Variants in ERCC6L2 observed in about 807,000 individuals in gnomAD.
The protein encoded by ERCC6L2 is ERCC excision repair 6 like 2.
ERCC6L2 carries 77 observed loss-of-function variants against 132.0 expected under a neutral mutation model. The ratio of observed to expected loss-of-function variants is 0.58; its 90% CI spans 0.49 to 0.71. The LOEUF (loss-of-function observed/expected upper bound fraction) is 0.71, where lower values mean the gene tolerates loss of function less well. ERCC6L2 is among the 30% of genes least tolerant of loss of function. The probability of loss-of-function intolerance (pLI) is 0.00; values close to 1 mark genes in which losing one functional copy is unlikely to be tolerated. For synonymous variants in ERCC6L2, 583 were observed against 632.4 expected (o/e 0.92, Z 1.17); for missense variants, 1,542 against 1,837.6 (o/e 0.84, Z 2.94).
chr9:95,977,665 AT>A (rs1347073799), intron 16 of ERCC6L2, among the ~76,000 whole-genome samples: 1 of 152,136 alleles, frequency 6.6e-6, no homozygotes, highest in Non-Finnish European at 1.5e-5. Flanking sequence ...CTCTCATTCC[AT>A]CACTGTAATC....
At chr9:96,036,503 G>A (rs576651225) in intron 19 of ERCC6L2, among the ~76,000 whole-genome samples, 23 of 152,202 alleles carry the variant, frequency 1.5e-4, no homozygotes, top group African/African-American at 2.2e-4. Flanking sequence ...CTCTTCAAGC[G>A]CCTGCTTGCC....
chr9:95,946,007 T>TA (rs138072966), intron 12 of ERCC6L2, among the ~76,000 whole-genome samples: 5 of 151,782 alleles, frequency 3.3e-5, no homozygotes, highest in Non-Finnish European at 2.9e-5. Context: ...GAAAATAAGA[T>TA]AAAAAAATCA....
intron 2 of ERCC6L2, among the ~76,000 whole-genome samples, chr9:95,894,223 G>A (rs1828322982): frequency 6.6e-6 from 1 of 152,002 alleles, no homozygotes; most frequent in Non-Finnish European, 1.5e-5. Flanking sequence ...TGATTGTATG[G>A]GTACTTGATT....
intron 2 of ERCC6L2, among the ~76,000 whole-genome samples, chr9:95,892,832 A>AT (rs915965007): frequency 5.5e-4 from 84 of 152,030 alleles, no homozygotes; most frequent in Non-Finnish European, 2.6e-4. Context: ...TGAATTGACC[A>AT]TTTTTTTACT....
chr9:96,007,489 G>A (rs1833899086), intron 18 of ERCC6L2, among the ~76,000 whole-genome samples: 1 of 152,190 alleles, frequency 6.6e-6, no homozygotes, highest in Admixed American at 6.5e-5. Context: ...TGAAGATTGA[G>A]GAGAGAACAG....
At chr9:95,913,400 G>A (rs911755817) in intron 4 of ERCC6L2, among the ~76,000 whole-genome samples, 1 of 152,032 alleles carries the variant, frequency 6.6e-6, no homozygotes, top group Non-Finnish European at 1.5e-5. Context: ...TAGCATAATG[G>A]TCATCTACAA....
intron 19 of ERCC6L2, among the ~76,000 whole-genome samples, chr9:96,026,396 T>C (rs1834363678): frequency 6.6e-6 from 1 of 152,048 alleles, no homozygotes; most frequent in Non-Finnish European, 1.5e-5. Flanking sequence ...AGGAGGTGGA[T>C]TCGGAACTCA....
At chr9:96,039,497 C>T (rs1211287895) in intron 20 of ERCC6L2, among the ~76,000 whole-genome samples, 1 of 151,928 alleles carries the variant, frequency 6.6e-6, no homozygotes, top group Non-Finnish European at 1.5e-5. Flanking sequence ...GGGGGAGGGT[C>T]AGTAGAGTCG....
intron 3 of ERCC6L2, among the ~76,000 whole-genome samples, chr9:95,900,890 C>A (rs568203797): frequency 6.6e-5 from 10 of 152,114 alleles, no homozygotes; most frequent in African/African-American, 2.4e-4. Flanking sequence ...TGTGTTCATA[C>A]CAACTTTTTC....
At chr9:95,957,299 A>G (rs1831653135) in intron 13 of ERCC6L2, among the ~76,000 whole-genome samples, 1 of 152,186 alleles carries the variant, frequency 6.6e-6, no homozygotes. Context: ...TAGTTAACCT[A>G]AGAATGATCC....
At chr9:95,918,600 CGGG>C in intron 6 of ERCC6L2, 1 of 345,492 alleles carries the variant, frequency 2.9e-6, no homozygotes, top group East Asian at 7.6e-5. Context: ...TTTTACAAGT[CGGG>C]GGGCCTAGGA....
chr9:96,029,303 CAAA>C (rs201014094), intron 19 of ERCC6L2, among the ~76,000 whole-genome samples: 88 of 81,798 alleles, frequency 1.1e-3, no homozygotes, highest in African/African-American at 3.1e-3. Context: ...GACTCCGTCT[CAAA>C]AAAAAAAAAA....
chr9:95,882,475 A>G (rs1166971155), intron 2 of ERCC6L2, among the ~76,000 whole-genome samples: 2 of 152,086 alleles, frequency 1.3e-5, no homozygotes, highest in Admixed American at 6.5e-5. Context: ...ATCACTTTAG[A>G]TTTTCAGGAG....
intron 2 of ERCC6L2, among the ~76,000 whole-genome samples, chr9:95,889,934 T>C (rs2132557541): frequency 6.6e-6 from 1 of 152,304 alleles, no homozygotes; most frequent in Non-Finnish European, 1.5e-5. Context: ...ATTTGTGGAG[T>C]ATCCGTTCTC....
intron 4 of ERCC6L2, among the ~76,000 whole-genome samples, chr9:95,907,899 A>C (rs1367022407): frequency 3.4e-5 from 5 of 145,576 alleles, no homozygotes; most frequent in Non-Finnish European, 6.0e-5. Flanking sequence ...TGTGAGGGAG[A>C]AGTGGCCAAG....
At chr9:95,906,532 G>A in intron 3 of ERCC6L2, 1 of 412,698 alleles carries the variant, frequency 2.4e-6, no homozygotes. Flanking sequence ...GTTATTGATA[G>A]GATACTGAGA....
At chr9:95,996,551 G>A (rs1182694243) in intron 17 of ERCC6L2, among the ~76,000 whole-genome samples, 1 of 152,238 alleles carries the variant, frequency 6.6e-6, no homozygotes, top group Non-Finnish European at 1.5e-5. Context: ...TGGCTTCAAA[G>A]GACAGGCTGA....
chr9:96,019,541 C>T (rs1292331613), downstream of ERCC6L2, among the ~76,000 whole-genome samples: 1 of 152,142 alleles, frequency 6.6e-6, no homozygotes, highest in Non-Finnish European at 1.5e-5. Flanking sequence ...CAGCTTCCTG[C>T]TCACCAAGCT....
chr9:96,039,042 C>G, exon 20 of ERCC6L2: 1 of 419,136 alleles, frequency 2.4e-6, no homozygotes, highest in Non-Finnish European at 4.8e-6. Flanking sequence ...CCAACACACG[C>G]AGATGATCAT....
Sources: gnomAD v4.1 joint callset for allele counts (sites outside exome capture counted in the v4.1 genomes callset) on GRCh38, gnomAD v4.1.1 for gene constraint, MANE v1.5 for transcripts, NCBI Gene and HGNC (gene_info 2026-07-23, HGNC 2026-07-21) for gene names.